Variants in ZNF704 observed in about 807,000 individuals in gnomAD.
ZNF704 encodes zinc finger protein 704, also known as glucocorticoid induced gene 1.
Under a neutral mutation model 44.7 loss-of-function variants are expected in ZNF704, and 10 were observed. The observed-to-expected ratio is 0.22, with a 90% CI of 0.14 to 0.38. ZNF704 has a LOEUF of 0.38. Ranked by LOEUF, ZNF704 falls within the 10% of genes least tolerant of loss-of-function variation. ZNF704 has a pLI of 1.00. For synonymous variants in ZNF704, 211 were observed against 207.6 expected (o/e 1.02, Z -0.14); for missense variants, 390 against 545.5 (o/e 0.71, Z 2.84).
intron 2 of ZNF704, among the ~76,000 whole-genome samples, chr8:80,772,793 CTTTGTG>C (rs1807342795): frequency 1.3e-5 from 2 of 151,928 alleles, no homozygotes. Context: ...CCTTTGTTTG[CTTTGTG>C]TTTATTTTGC....
rs556721951 is a variant in ZNF704 at position 80,713,066 on chromosome 8, T to C, written c.222-19959A>G. 5.9e-5 allele frequency among the ~76,000 whole-genome samples: 9 copies of C among 152,138 alleles called. No homozygotes were observed. In the East Asian group the frequency reaches 1.6e-3, roughly 26 times the overall value. On this transcript the variant is annotated intron_variant, in intron 2 of 8. Transcript: ENST00000327835. ...ACCCACCACCATGCCCGGCTAATTT[T>C]TTATATTTTCAGTAGAGATGAGGTT...
At chr8:80,659,813 T>A in intron 6 of ZNF704, 124 bp from the exon 7 acceptor site, 6 of 792,708 alleles carry the variant, frequency 7.6e-6, no homozygotes, top group Non-Finnish European at 1.2e-5. Flanking sequence ...GGACTAATTA[T>A]CTAATAGGAA....
rs79111579 is a variant in ZNF704, at chr8:80,667,414, C to T, written c.660-2332G>A. On this transcript the variant is annotated intron_variant, in intron 5 of 8. Coordinates refer to ENST00000327835, the MANE Select transcript of ZNF704 (RefSeq NM_001033723.3). ...TGTTGTCAGCAATATTCCAGATGAG[C>T]AGGACAGGCAAGCAGTGCAAGGGCT... is the stretch of plus-strand genomic sequence containing the variant. 1.6e-3 allele frequency among the ~76,000 whole-genome samples: 248 copies of T among 152,270 alleles called. 2 individuals carry two copies. The highest frequency in any genetic ancestry group is 5.7e-3 in the African/African-American group (238 of 41,546).
At chr8:80,720,098 C>T (rs1274989370) in intron 2 of ZNF704, among the ~76,000 whole-genome samples, 2 of 152,214 alleles carry the variant, frequency 1.3e-5, no homozygotes, top group African/African-American at 4.8e-5. Flanking sequence ...CTAAAATCCA[C>T]GCATTTCCCA....
At chr8:80,653,570 T>C (rs1161505229) in intron 7 of ZNF704, among the ~76,000 whole-genome samples, 1 of 152,206 alleles carries the variant, frequency 6.6e-6, no homozygotes, top group East Asian at 1.9e-4. Context: ...AGCCAAATCA[T>C]GAGTGAACTC....
At chr8:80,756,429 T>A (rs1807037364) in intron 2 of ZNF704, among the ~76,000 whole-genome samples, 1 of 152,188 alleles carries the variant, frequency 6.6e-6, no homozygotes. Context: ...ATCATTTCCA[T>A]TTTACAGACT....
At position 80,687,316 on chromosome 8, in the gene ZNF704, G is replaced by C. The variant is rs767310723; in HGVS notation, c.468C>G (p.Pro156=). 1.2e-6 allele frequency: 2 copies of C among 1,612,584 alleles called. No individual in the cohort carries two copies. The highest frequency in any genetic ancestry group is 1.7e-6 in the Non-Finnish European group (2 of 1,179,868). The stretch of plus-strand genomic sequence containing the variant: ...CGTCTGGCTGCGCGGGGCTGCGGAA[G>C]GGCTTGAAGCTGTCAGCCGAGAGCG... ...SPPLSADSFK[P]FRSPAQPDDG... is the part of the protein sequence containing the mutation. The change falls in exon 4 of 9, where the codon CCC becomes CCG. Residue 156 remains proline, a synonymous_variant. Coordinates refer to ENST00000327835, the MANE Select transcript of ZNF704 (RefSeq NM_001033723.3).
At chr8:80,668,327 C>A (rs551302063) in intron 5 of ZNF704, among the ~76,000 whole-genome samples, 1 of 152,332 alleles carries the variant, frequency 6.6e-6, no homozygotes, top group African/African-American at 2.4e-5. Context: ...CCATGCCTCA[C>A]CTCTTCACAG....
chr8:80,799,913 A>G (rs901479609), intron 2 of ZNF704, among the ~76,000 whole-genome samples: 2 of 152,164 alleles, frequency 1.3e-5, no homozygotes, highest in Non-Finnish European at 2.9e-5. Flanking sequence ...AGAAGCTAAG[A>G]GTCATAAAAA....
At chr8:80,791,024 G>A (rs564629783) in intron 2 of ZNF704, among the ~76,000 whole-genome samples, 36 of 152,232 alleles carry the variant, frequency 2.4e-4, no homozygotes, top group Admixed American at 4.6e-4. Flanking sequence ...TTAACTTGGG[G>A]TGAGGGAGAG....
At chr8:80,799,983 A>G (rs1372561105) in intron 2 of ZNF704, among the ~76,000 whole-genome samples, 1 of 152,212 alleles carries the variant, frequency 6.6e-6, no homozygotes, top group Non-Finnish European at 1.5e-5. Context: ...AACCAGTCTG[A>G]TGGAGCTGAA....
chr8:80,800,421 G>A (rs909364001), intron 2 of ZNF704, among the ~76,000 whole-genome samples: 1 of 151,836 alleles, frequency 6.6e-6, no homozygotes, highest in Non-Finnish European at 1.5e-5. Context: ...AGTCAGGCCA[G>A]GTCACCTACA....
At chr8:80,767,388 T>C (rs1470318707) in intron 2 of ZNF704, among the ~76,000 whole-genome samples, 2 of 151,502 alleles carry the variant, frequency 1.3e-5, no homozygotes, top group Non-Finnish European at 1.5e-5. Flanking sequence ...AGGAACTCCA[T>C]GTTCCCTCCT....
chr8:80,650,341 G>T (rs1156819880), intron 7 of ZNF704, among the ~76,000 whole-genome samples: 1 of 152,204 alleles, frequency 6.6e-6, no homozygotes, highest in Non-Finnish European at 1.5e-5. Context: ...GTTGAGAGAA[G>T]AAGGCTTCAG....
At chr8:80,838,732 TGGAGGAGGAGGA>T (rs140901931) in intron 1 of ZNF704, among the ~76,000 whole-genome samples, 1 of 128,076 alleles carries the variant, frequency 7.8e-6, no homozygotes. Context: ...GAGCAGACAC[TGGAGGAGGAGGA>T]GGAGGAGGAG....
intron 1 of ZNF704, among the ~76,000 whole-genome samples, chr8:80,853,055 T>C (rs980032354): frequency 4.6e-5 from 7 of 152,226 alleles, no homozygotes; most frequent in Non-Finnish European, 8.8e-5. Context: ...ACTCTTGTGG[T>C]CTGCTAGGAC....
At chr8:80,709,666 T>C (rs1818954372) in intron 2 of ZNF704, among the ~76,000 whole-genome samples, 1 of 151,960 alleles carries the variant, frequency 6.6e-6, no homozygotes, top group Non-Finnish European at 1.5e-5. Flanking sequence ...GGAAGAACTT[T>C]GGAGTAGTTC....
intron 1 of ZNF704, among the ~76,000 whole-genome samples, chr8:80,864,109 A>G (rs1192806099): frequency 6.6e-6 from 1 of 152,186 alleles, no homozygotes; most frequent in South Asian, 2.1e-4. Flanking sequence ...TTACCACAGG[A>G]AATACTTCCT....
intron 4 of ZNF704, among the ~76,000 whole-genome samples, chr8:80,677,753 T>C (rs1818393474): frequency 6.6e-6 from 1 of 152,222 alleles, no homozygotes; most frequent in South Asian, 2.1e-4. Context: ...ATTTGTTATG[T>C]TCAATCTCAG....
Sources: gnomAD v4.1 joint callset for allele counts (sites outside exome capture counted in the v4.1 genomes callset) on GRCh38, gnomAD v4.1.1 for gene constraint, MANE v1.5 for transcripts, NCBI Gene and HGNC (gene_info 2026-07-23, HGNC 2026-07-21) for gene names.